The following ZNF786 variants were observed in gnomAD, a reference collection of about 807,000 sequenced individuals.
ZNF786 encodes the protein zinc finger protein 786.
ZNF786 carries 56 observed loss-of-function variants against 63.1 expected under a neutral mutation model. That is an observed-to-expected ratio of 0.89 (90% confidence interval 0.72 to 1.11). The LOEUF is 1.11. Among genes scored for constraint, ZNF786 ranks in the 50% least tolerant of loss-of-function variants. The probability of loss-of-function intolerance (pLI) is 0.00; values close to 1 mark genes in which losing one functional copy is unlikely to be tolerated. For missense variants in ZNF786, 1,213 were observed against 1,041.8 expected, an observed-to-expected ratio of 1.16 and a Z score of -2.26; for synonymous variants, 485 against 406.9, an observed-to-expected ratio of 1.19 and a Z score of -2.31.
intron 1 of ZNF786, among the ~76,000 whole-genome samples, chr7:149,086,415 G>T (rs1825736726): frequency 6.6e-6 from 1 of 152,150 alleles, no homozygotes; most frequent in Non-Finnish European, 1.5e-5. Flanking sequence ...ATCACCTGAG[G>T]TCAGAAGTTC....
chr7:149,077,502 C>A (rs1825574892), intron 2 of ZNF786, among the ~76,000 whole-genome samples: 1 of 152,086 alleles, frequency 6.6e-6, no homozygotes, highest in Non-Finnish European at 1.5e-5. Context: ...GTGGCGGGCG[C>A]CTGTAGTCCC....
intron 2 of ZNF786, among the ~76,000 whole-genome samples, chr7:149,075,673 T>G (rs1387410339): frequency 1.6e-5 from 2 of 125,220 alleles, no homozygotes; most frequent in African/African-American, 3.0e-5. Flanking sequence ...TTTTTTTTTT[T>G]TTTTTTTTTT....
At chr7:149,074,172 A>T (rs1339641683) in intron 3 of ZNF786, among the ~76,000 whole-genome samples, 1 of 152,098 alleles carries the variant, frequency 6.6e-6, no homozygotes, top group Non-Finnish European at 1.5e-5. Context: ...AAATACCAAA[A>T]GGTTCAATAA....
At chr7:149,090,288 G>A (rs1051637453) in intron 1 of ZNF786, among the ~76,000 whole-genome samples, 1 of 152,212 alleles carries the variant, frequency 6.6e-6, no homozygotes, top group African/African-American at 2.4e-5. Flanking sequence ...TGGTTGACCT[G>A]TAACATCCAC....
At chr7:149,080,382 T>G (rs1297906477) in intron 2 of ZNF786, among the ~76,000 whole-genome samples, 1 of 152,166 alleles carries the variant, frequency 6.6e-6, no homozygotes, top group Non-Finnish European at 1.5e-5. Context: ...CACCTTACAT[T>G]GTTCAAATAT....
At chr7:149,083,364 C>T (rs954235372) in intron 1 of ZNF786, among the ~76,000 whole-genome samples, 10 of 151,834 alleles carry the variant, frequency 6.6e-5, no homozygotes, top group South Asian at 2.1e-4. Context: ...TTATAGGCGC[C>T]GGCCACCACC....
chr7:149,090,043 T>C (rs928608161), intron 1 of ZNF786, among the ~76,000 whole-genome samples: 26 of 152,308 alleles, frequency 1.7e-4, no homozygotes, highest in African/African-American at 5.8e-4. Flanking sequence ...GCAAAAATCC[T>C]CAACATTAAA....
intron 2 of ZNF786, among the ~76,000 whole-genome samples, chr7:149,078,181 GAAC>G (rs1200474378): frequency 6.6e-6 from 1 of 151,712 alleles, no homozygotes; most frequent in Non-Finnish European, 1.5e-5. Context: ...GCATAATTTT[GAAC>G]AACTGATAAG....
chr7:149,090,517 C>T, intron 1 of ZNF786, 106 bp downstream of exon 1: 1 of 1,274,010 alleles, frequency 7.8e-7, no homozygotes, highest in Non-Finnish European at 1.0e-6. Context: ...CCGTCCTACC[C>T]GTGCACCGCG....
At chr7:149,074,025 T>G (rs1456764010) in intron 3 of ZNF786, among the ~76,000 whole-genome samples, 1 of 151,640 alleles carries the variant, frequency 6.6e-6, no homozygotes, top group Non-Finnish European at 1.5e-5. Flanking sequence ...ACTTCTGACC[T>G]CAAGTGATCT....
In ZNF786 at chr7:149,072,429, G is replaced by A. The variant is rs760380063; in HGVS notation, c.343C>T (p.Gln115Ter). The change falls in exon 4 of 4, where the codon CAA becomes TAA. Residue 115 changes from glutamine to a stop codon, truncating the protein, a stop_gained. Coordinates refer to ENST00000491431, the MANE Select transcript of ZNF786 (RefSeq NM_152411.4). LOFTEE classifies it high-confidence loss of function. ...GAACACTGGCTTTCAGGATCTAATT[G>A]GAAATGGCTTTTAGTTTTTCCTGAA... ...MNSGKTKSHF[Q>*]LDPESQCSFG... 16 of 1,604,162 alleles carry A rather than the reference G, an allele frequency of 1.0e-5. No individual in the cohort carries two copies. The highest frequency in any genetic ancestry group is 1.3e-5 in the Non-Finnish European group (15 of 1,176,766).
At chr7:149,073,743 GTGTGTATATATA>G (rs1246398820) in intron 3 of ZNF786, among the ~76,000 whole-genome samples, 6 of 69,148 alleles carry the variant, frequency 8.7e-5, no homozygotes, top group African/African-American at 2.5e-4. Context: ...GTGTGTGTGT[GTGTGTATATATA>G]TATATATATA....
At chr7:149,081,689 A>G (rs991228283) in intron 1 of ZNF786, among the ~76,000 whole-genome samples, 10 of 152,032 alleles carry the variant, frequency 6.6e-5, no homozygotes. Context: ...TTTTTTGCCA[A>G]TGTGGGGCGG....
chr7:149,078,109 C>T (rs543145724), intron 2 of ZNF786, among the ~76,000 whole-genome samples: 11 of 151,772 alleles, frequency 7.2e-5, no homozygotes, highest in African/African-American at 2.4e-4. Flanking sequence ...GTGATCCACC[C>T]ACCTCAGCCT....
Position 149,072,117 on chromosome 7 carries a change from C to A in ZNF786, c.655G>T (p.Glu219Ter). The A allele has an allele frequency of 6.2e-7, 1 of 1,613,226 alleles. No individual in the cohort carries two copies. Among genetic ancestry groups the A allele is most frequent in the South Asian group, 1.1e-5 (1 of 90,988 alleles). ...GTCTCCGCCCTCTTGTTGAATTTCT[C>A]CCAGGCCCTACGTGTCCGGTCCTTT... ...HSKDRTRRAW[E>*]KFNKRAETQM... Residue 219 changes from glutamate to a stop codon, truncating the protein, a stop_gained, in exon 4 of 4, where the codon GAG (glutamate) becomes TAG (stop). Coordinates refer to ENST00000491431, the MANE Select transcript of ZNF786 (RefSeq NM_152411.4). LOFTEE classifies it high-confidence loss of function.
intron 1 of ZNF786, among the ~76,000 whole-genome samples, chr7:149,090,007 G>A (rs1205108472): frequency 6.6e-6 from 1 of 152,180 alleles, no homozygotes; most frequent in African/African-American, 2.4e-5. Context: ...GAGCCACCGC[G>A]CCCGGCCTAA....
chr7:149,081,361 A>G (rs749202785), intron 1 of ZNF786, among the ~76,000 whole-genome samples: 4 of 143,844 alleles, frequency 2.8e-5, no homozygotes, highest in Middle Eastern at 3.4e-3. Context: ...GCTTGAACCT[A>G]GGAGGCAGAG....
chr7:149,070,214 A>C lies in ZNF786; in HGVS notation c.*209T>G. On this transcript the variant is annotated 3_prime_UTR_variant, in exon 4 of 4. Coordinates refer to ENST00000491431, the MANE Select transcript of ZNF786 (RefSeq NM_152411.4). ...TGACAGAGCAAAACTCCATCTTGGA[A>C]AAAAAAAAAAAAAAGAAAGAAATAT... 2 of 365,102 alleles carry C rather than the reference A, an allele frequency of 5.5e-6. No individual in the cohort carries two copies. Among genetic ancestry groups the C allele is most frequent in the African/African-American group, 2.2e-5 (1 of 45,784 alleles). 22.6% of individuals were successfully genotyped at this position (365,102 alleles called of 1,614,324 possible).
intron 1 of ZNF786, among the ~76,000 whole-genome samples, chr7:149,088,406 A>C (rs1394498735): frequency 1.3e-5 from 2 of 152,192 alleles, no homozygotes; most frequent in Non-Finnish European, 2.9e-5. Context: ...TCACTGATTA[A>C]AGTTTGAGTA....
Sources: gnomAD v4.1 joint callset for allele counts (sites outside exome capture counted in the v4.1 genomes callset) on GRCh38, gnomAD v4.1.1 for gene constraint, MANE v1.5 for transcripts, NCBI Gene and HGNC (gene_info 2026-07-23, HGNC 2026-07-21) for gene names.